The following DDX59 variants were observed in gnomAD, a reference collection of about 807,000 sequenced individuals.
The protein encoded by DDX59 is probable ATP-dependent RNA helicase DDX59.
DDX59 carries 30 observed loss-of-function variants against 51.9 expected under a neutral mutation model. The observed-to-expected ratio is 0.58, with a 90% CI of 0.43 to 0.78. DDX59 has a LOEUF of 0.78. Among genes scored for constraint, DDX59 ranks in the 30% least tolerant of loss-of-function variants. The pLI is 0.00. For missense variants in DDX59, 672 were observed against 730.8 expected, an observed-to-expected ratio of 0.92 and a Z score of 0.93; for synonymous variants, 255 against 253.3, an observed-to-expected ratio of 1.01 and a Z score of -0.06.
At position 200,648,939 on chromosome 1, in the gene DDX59, G is replaced by C. The variant is rs1661470282; in HGVS notation, c.1467+135C>G. The C allele has an allele frequency of 4.4e-6, 4 of 911,512 alleles. No individual in the cohort carries two copies. The South Asian group carries it at 9.6e-5, about 22-fold the overall frequency. 56.5% of individuals were successfully genotyped at this position (911,512 alleles called of 1,614,324 possible). A position where few individuals can be genotyped will look rare whatever the true frequency, so the allele number is the denominator to read the frequency against. ...TGAGCAAGAGAACATTAACTTCATG[G>C]TAACCGCTTGTTTGATGGTCTTGTA... On this transcript the variant is annotated intron_variant, in intron 6 of 7. Transcript: ENST00000331314.
intron 1 of DDX59, among the ~76,000 whole-genome samples, chr1:200,668,174 GGCA>G (rs1662909213): frequency 6.6e-6 from 1 of 152,098 alleles, no homozygotes; most frequent in East Asian, 1.9e-4. Context: ...GGGCGTTGGC[GGCA>G]GGCGCCTGTA....
At chr1:200,643,552 G>A (rs188376099), downstream of DDX59, among the ~76,000 whole-genome samples, 591 of 151,968 alleles carry the variant, frequency 3.9e-3, 4 homozygotes, top group Middle Eastern at 0.01. Flanking sequence ...CTGAGGAAAG[G>A]GAATGGCATG....
chr1:200,657,142 T>G (rs548472533), intron 4 of DDX59, among the ~76,000 whole-genome samples: 4 of 149,224 alleles, frequency 2.7e-5, no homozygotes, highest in African/African-American at 9.9e-5. Context: ...CCCAGCTACT[T>G]GGGAGGCTGA....
intron 3 of DDX59, 55 bp from the exon 4 acceptor site, chr1:200,659,171 A>G (rs1662223619): frequency 7.3e-7 from 1 of 1,361,990 alleles, no homozygotes; most frequent in South Asian, 1.2e-5. Flanking sequence ...ATTTTCATTC[A>G]TTCATTCCAT....
chr1:200,650,777 C>G, intron 4 of DDX59, 101 bp from the exon 5 acceptor site: 2 of 1,109,030 alleles, frequency 1.8e-6, no homozygotes, highest in East Asian at 2.7e-5. Context: ...ATTAAAAATT[C>G]CTAAATAGAA....
In DDX59 at chr1:200,663,992, C is replaced by A. The variant is rs201675175; in HGVS notation, c.899G>T (p.Arg300Leu). Residue 300 changes from arginine (R) to leucine (L), a missense_variant, in exon 3 of 8, where the codon CGC (arginine) becomes CTC (leucine). By Grantham distance (102) the Arg-to-Leu change is moderately radical. Coordinates refer to ENST00000331314, the MANE Select transcript of DDX59 (RefSeq NM_001031725.6). ...CCCTACAAGAAGCACAGTTTTCATG[C>A]GTGGCAGGCCACTCATCAATTCTTT... Reference protein sequence around the residue: ...QAKELMSGLPRMKTVLLVGGL... With the variant: ...QAKELMSGLPLMKTVLLVGGL... 1.2e-6 allele frequency: 2 copies of A among 1,614,166 alleles called. No individual in the cohort carries two copies. Among genetic ancestry groups the A allele is most frequent in the East Asian group, 4.5e-5 (2 of 44,880 alleles).
At chr1:200,667,664 C>A (rs1662859701) in intron 1 of DDX59, among the ~76,000 whole-genome samples, 1 of 152,138 alleles carries the variant, frequency 6.6e-6, no homozygotes, top group Admixed American at 6.5e-5. Context: ...AGGAGAAATA[C>A]TTCACAATTA....
At chr1:200,645,855 G>C (rs1056982564) in intron 7 of DDX59, among the ~76,000 whole-genome samples, 4 of 152,198 alleles carry the variant, frequency 2.6e-5, no homozygotes, top group Non-Finnish European at 5.9e-5. Flanking sequence ...TAGGGAATGA[G>C]ACAGAGGAGA....
At chr1:200,644,566 A>C in intron 7 of DDX59, 49 bp from the exon 8 acceptor site, 1 of 1,524,008 alleles carries the variant, frequency 6.6e-7, no homozygotes, top group Admixed American at 2.2e-5. Context: ...GTAAAATCTT[A>C]GTGTCTTTTG....
At chr1:200,643,551 G>C (rs1661113268), downstream of DDX59, among the ~76,000 whole-genome samples, 2 of 152,106 alleles carry the variant, frequency 1.3e-5, no homozygotes, top group African/African-American at 4.8e-5. Context: ...GCTGAGGAAA[G>C]GGAATGGCAT....
chr1:200,659,466 T>A (rs1662242560), intron 3 of DDX59, among the ~76,000 whole-genome samples: 1 of 152,100 alleles, frequency 6.6e-6, no homozygotes, highest in Non-Finnish European at 1.5e-5. Context: ...GGGAGGCCAG[T>A]GAAGTTTCTA....
Position 200,659,055 on chromosome 1 carries a change from C to T in DDX59, c.1034G>A (p.Cys345Tyr). ...DIIKQSSVEL[C>Y]GVKIVVVDEA... is the part of the protein sequence containing the mutation. Reference sequence around the variant, plus strand: ...ATCTACTACCACAATCTTTACACCACAGAGTTCTACAGAGCTCTGCTTTAT... The same window carrying T: ...ATCTACTACCACAATCTTTACACCATAGAGTTCTACAGAGCTCTGCTTTAT... The change falls in exon 4 of 8, where the codon TGT (cysteine) becomes TAT (tyrosine). Residue 345 changes from cysteine to tyrosine, a missense_variant. Cys to Tyr is a radical substitution (Grantham distance 194). Coordinates refer to ENST00000331314, the MANE Select transcript of DDX59 (RefSeq NM_001031725.6). 2 of 1,613,438 alleles carry T rather than the reference C, an allele frequency of 1.2e-6. No homozygotes were observed.
At chr1:200,663,882 A>C in intron 3 of DDX59, 37 bp downstream of exon 3, 2 of 1,495,076 alleles carry the variant, frequency 1.3e-6, no homozygotes, top group Non-Finnish European at 1.8e-6. Flanking sequence ...ATTGCTTACA[A>C]AACTTTTCAA....
At chr1:200,657,748 CAAAA>C (rs1267173346) in intron 4 of DDX59, among the ~76,000 whole-genome samples, 1 of 80,554 alleles carries the variant, frequency 1.2e-5, no homozygotes. Flanking sequence ...GACTCTGTCT[CAAAA>C]AAAAAAAAAA....
At chr1:200,669,358 G>C (rs1428604657) in intron 1 of DDX59, 2 of 152,148 alleles carry the variant, frequency 1.3e-5, no homozygotes, top group African/African-American at 4.8e-5. Flanking sequence ...AGGGGGTGGC[G>C]GGCGGGGCAG....
At chr1:200,658,878 T>C (rs921964445) in intron 4 of DDX59, 149 bp downstream of exon 4, 9 of 602,612 alleles carry the variant, frequency 1.5e-5, no homozygotes, top group Non-Finnish European at 2.3e-5. Flanking sequence ...GCTTCAGTGC[T>C]ACACAGGAAC....
chr1:200,664,824 C>T (rs912337472), intron 2 of DDX59, among the ~76,000 whole-genome samples: 1 of 152,062 alleles, frequency 6.6e-6, no homozygotes, highest in Non-Finnish European at 1.5e-5. Context: ...TACAGGCATG[C>T]GCCATCATGC....
At chr1:200,646,981 ACAAT>A (rs1661333594) in intron 7 of DDX59, among the ~76,000 whole-genome samples, 1 of 152,240 alleles carries the variant, frequency 6.6e-6, no homozygotes, top group East Asian at 1.9e-4. Flanking sequence ...GCTAAGTAAA[ACAAT>A]CAACCCCCGT....
At chr1:200,669,040 C>CT in intron 1 of DDX59, among the ~76,000 whole-genome samples, 2 of 152,320 alleles carry the variant, frequency 1.3e-5, no homozygotes, top group East Asian at 3.9e-4. Flanking sequence ...TCAGGACCTC[C>CT]TGAGGACTGT....
Sources: gnomAD v4.1 joint callset for allele counts (sites outside exome capture counted in the v4.1 genomes callset) on GRCh38, gnomAD v4.1.1 for gene constraint, MANE v1.5 for transcripts, NCBI Gene and HGNC (gene_info 2026-07-23, HGNC 2026-07-21) for gene names.